Variants in LPA observed in about 807,000 individuals in gnomAD.
LPA encodes the protein lipoprotein(a), also known as apolipoprotein(a).
Under a neutral mutation model 197.9 loss-of-function variants are expected in LPA, and 199 were observed. That is an observed-to-expected ratio of 1.01 (90% confidence interval 0.90 to 1.13). The LOEUF is 1.13. Among genes scored for constraint, LPA ranks in the 50% most tolerant of loss-of-function variants. The probability of loss-of-function intolerance (pLI) is 0.00; values close to 1 mark genes in which losing one functional copy is unlikely to be tolerated. For missense variants in LPA, 1,853 were observed against 1,785.8 expected (o/e 1.04, Z -0.68); for synonymous variants, 715 against 639.5 (o/e 1.12, Z -1.78).
chr6:160,558,169 T>C (rs538462420), intron 28 of LPA, among the ~76,000 whole-genome samples: 102 of 152,256 alleles, frequency 6.7e-4, no homozygotes, highest in Admixed American at 6.1e-3. Context: ...TCCACCCACC[T>C]CGGCCTCCCA....
At chr6:160,650,729 C>A (rs1391870868) in intron 1 of LPA, among the ~76,000 whole-genome samples, 1 of 152,162 alleles carries the variant, frequency 6.6e-6, no homozygotes, top group Non-Finnish European at 1.5e-5. Flanking sequence ...GTTAACATAT[C>A]AGAATTCTTC....
Position 160,578,505 on chromosome 6 carries a change from T to G in LPA, c.4471+18A>C. The stretch of plus-strand genomic sequence containing the variant: ...TTTTTCATCCCAGTATATAGATGTC[T>G]AACCACAAATTTCTTACCTTGTTCA... On this transcript the variant is annotated intron_variant, in intron 27 of 38. Coordinates refer to ENST00000316300, the MANE Select transcript of LPA (RefSeq NM_005577.4). The G allele has an allele frequency of 6.2e-7, 1 of 1,613,638 alleles. No individual in the cohort carries two copies. Among genetic ancestry groups the G allele is most frequent in the East Asian group, 2.2e-5 (1 of 44,864 alleles).
At chr6:160,594,266 A>G in intron 21 of LPA, 149 bp from the exon 22 acceptor site, 1 of 915,746 alleles carries the variant, frequency 1.1e-6, no homozygotes, top group South Asian at 1.6e-5. Context: ...TACCAATAAT[A>G]AAACCCAAAG....
At chr6:160,575,754 C>T (rs1373540763) in intron 28 of LPA, among the ~76,000 whole-genome samples, 4 of 152,126 alleles carry the variant, frequency 2.6e-5, no homozygotes, top group Non-Finnish European at 5.9e-5. Context: ...ACTCATTGTT[C>T]CCTTGTAGTT....
At chr6:160,583,657 G>A (rs763936205) in intron 26 of LPA, among the ~76,000 whole-genome samples, 3 of 152,106 alleles carry the variant, frequency 2.0e-5, no homozygotes, top group Non-Finnish European at 4.4e-5. Flanking sequence ...ACAGCTTTCT[G>A]TTCAGCCAGA....
chr6:160,611,632 T>G lies in LPA; in HGVS notation c.2533A>C (p.Arg845=), dbSNP rs747391174. 31 of 1,591,046 alleles carry G rather than the reference T, an allele frequency of 1.9e-5. No homozygotes were observed. The highest frequency in any genetic ancestry group is 2.7e-5 in the African/African-American group (2 of 73,630). The change falls in exon 16 of 39, where the codon AGA becomes CGA. Residue 845 remains arginine (R), a synonymous_variant. Coordinates refer to ENST00000316300, the MANE Select transcript of LPA (RefSeq NM_005577.4). Reference sequence around the variant, plus strand: ...ATAGATGACCAAGCTTGGCAGGTTCTTCCAGTGACAGTGGTGGAGTATGTG... The same window carrying G: ...ATAGATGACCAAGCTTGGCAGGTTCGTCCAGTGACAGTGGTGGAGTATGTG... The part of the protein sequence containing the change: ...RGTYSTTVTG[R]TCQAWSSMTP...
At chr6:160,544,660 C>T (rs981020363) in intron 33 of LPA, among the ~76,000 whole-genome samples, 1 of 152,154 alleles carries the variant, frequency 6.6e-6, no homozygotes, top group African/African-American at 2.4e-5. Flanking sequence ...CAGACCCAAC[C>T]ACAAGCAACC....
chr6:160,555,455 A>ATATATATATATG (rs1287454419), intron 30 of LPA, among the ~76,000 whole-genome samples: 83 of 133,062 alleles, frequency 6.2e-4, no homozygotes, highest in African/African-American at 9.1e-4. Context: ...ATATATATAT[A>ATATATATATATG]TGTGTGTGTA....
chr6:160,543,837 G>A (rs564498480), intron 33 of LPA, among the ~76,000 whole-genome samples: 1 of 152,154 alleles, frequency 6.6e-6, no homozygotes, highest in Admixed American at 6.5e-5. Context: ...CCAACCAGAG[G>A]CTCTAACTTT....
intron 30 of LPA, among the ~76,000 whole-genome samples, chr6:160,554,277 G>T (rs1284559991): frequency 3.3e-5 from 5 of 151,790 alleles, no homozygotes; most frequent in Admixed American, 2.0e-4. Flanking sequence ...GTATTGACTG[G>T]TTTTTCTCCT....
intron 37 of LPA, 51 bp from the exon 38 acceptor site, chr6:160,532,700 C>G: frequency 8.0e-7 from 1 of 1,251,608 alleles, no homozygotes. Context: ...AGCTTGTTCA[C>G]GAGGAAATTC....
chr6:160,547,157 T>C (rs1018006378), intron 32 of LPA, among the ~76,000 whole-genome samples: 3 of 152,158 alleles, frequency 2.0e-5, no homozygotes, highest in Non-Finnish European at 2.9e-5. Context: ...TATAATGAAA[T>C]AAATGTGCAT....
At chr6:160,575,759 G>C (rs1470535564) in intron 28 of LPA, among the ~76,000 whole-genome samples, 1 of 152,090 alleles carries the variant, frequency 6.6e-6, no homozygotes, top group Non-Finnish European at 1.5e-5. Context: ...TTGTTCCCTT[G>C]TAGTTATTCT....
At chr6:160,660,866 A>C (rs1327819573) in intron 1 of LPA, among the ~76,000 whole-genome samples, 2 of 152,200 alleles carry the variant, frequency 1.3e-5, no homozygotes, top group African/African-American at 4.8e-5. Context: ...GGGAGAATTC[A>C]GTTTTTCCAA....
intron 16 of LPA, among the ~76,000 whole-genome samples, chr6:160,610,969 C>A (rs910521529): frequency 2.0e-5 from 3 of 152,124 alleles, no homozygotes; most frequent in African/African-American, 7.2e-5. Context: ...TCCATCTACC[C>A]ATCCCTTTTA....
intron 26 of LPA, among the ~76,000 whole-genome samples, chr6:160,582,855 G>A (rs556597252): frequency 6.6e-6 from 1 of 152,098 alleles, no homozygotes; most frequent in East Asian, 1.9e-4. Flanking sequence ...TATTTTCATA[G>A]ATGTCCTTGA....
rs780811948 is a variant in LPA at position 160,531,707 on chromosome 6, C to A, written c.*22G>T. ...GTTTCAGCTTCTAAGTAGGTTGATGCTTCACTCTGTCTCCCGTCCAATTAA... is the reference window on the plus strand; with the variant it reads ...GTTTCAGCTTCTAAGTAGGTTGATGATTCACTCTGTCTCCCGTCCAATTAA... On this transcript the variant is annotated 3_prime_UTR_variant, in exon 39 of 39. Transcript: ENST00000316300. 1 of 1,613,914 alleles carries A rather than the reference C, an allele frequency of 6.2e-7. No individual in the cohort carries two copies. The highest frequency in any genetic ancestry group is 8.5e-7 in the Non-Finnish European group (1 of 1,179,842).
chr6:160,574,925 G>A (rs189527915), intron 28 of LPA, among the ~76,000 whole-genome samples: 2 of 152,214 alleles, frequency 1.3e-5, no homozygotes, highest in Admixed American at 1.3e-4. Context: ...TGTCTGCCAC[G>A]ATCCCTCACC....
At chr6:160,647,129 G>A (rs1284004423) in intron 2 of LPA, among the ~76,000 whole-genome samples, 1 of 152,168 alleles carries the variant, frequency 6.6e-6, no homozygotes, top group African/African-American at 2.4e-5. Flanking sequence ...CCTGCTCTCA[G>A]TCTATCCTCT....
Sources: gnomAD v4.1 joint callset for allele counts (sites outside exome capture counted in the v4.1 genomes callset) on GRCh38, gnomAD v4.1.1 for gene constraint, MANE v1.5 for transcripts, NCBI Gene and HGNC (gene_info 2026-07-23, HGNC 2026-07-21) for gene names.